Variants in KALRN observed in about 807,000 individuals in gnomAD.
The protein encoded by KALRN is kalirin RhoGEF kinase.
A neutral mutation model predicts 353.7 loss-of-function variants in KALRN; 70 were observed. The observed-to-expected ratio is 0.20, with a 90% CI of 0.16 to 0.24. KALRN has a LOEUF of 0.24. Ranked by LOEUF, KALRN falls within the 10% of genes least tolerant of loss-of-function variation. KALRN has a pLI of 1.00. For missense variants in KALRN, 2,791 were observed against 3,756.7 expected, an observed-to-expected ratio of 0.74 and a Z score of 6.72; for synonymous variants, 1,391 against 1,434.8, an observed-to-expected ratio of 0.97 and a Z score of 0.69.
chr3:124,530,797 TCTTAA>T (rs1445956838), intron 33 of KALRN, among the ~76,000 whole-genome samples: 1 of 152,070 alleles, frequency 6.6e-6, no homozygotes, highest in East Asian at 1.9e-4. Flanking sequence ...TCTCTCCCTT[TCTTAA>T]CTTTATTTTT....
Position 124,284,219 on chromosome 3 carries a change from A to G in KALRN, c.970-14572A>G, listed in dbSNP as rs142697116. Among the ~76,000 whole-genome samples the G allele has an allele frequency of 6.7e-4, 102 of 152,260 alleles. 1 individual carries two copies. In the East Asian group the frequency reaches 0.015, roughly 22 times the overall value. On this transcript the variant is annotated intron_variant, in intron 5 of 59. Transcript: ENST00000682506. Reference sequence around the variant, plus strand: ...TATATCTGGGAGGGTCTCAGTCTAGACACTCACTTCGTAGTTAAAAGCAAA... The same window carrying G: ...TATATCTGGGAGGGTCTCAGTCTAGGCACTCACTTCGTAGTTAAAAGCAAA...
At chr3:124,666,855 T>G (rs2085701216) in intron 46 of KALRN, among the ~76,000 whole-genome samples, 157 bp from the exon 47 acceptor site, 1 of 152,216 alleles carries the variant, frequency 6.6e-6, no homozygotes, top group African/African-American at 2.4e-5. Context: ...TGGGATCGTG[T>G]CACTCACCCA....
At chr3:124,111,332 C>T (rs571402879) in intron 1 of KALRN, among the ~76,000 whole-genome samples, 2 of 152,304 alleles carry the variant, frequency 1.3e-5, no homozygotes, top group South Asian at 4.1e-4. Context: ...CCCAGATGTC[C>T]TCCAGGAGAT....
chr3:124,149,640 C>G (rs947874118), intron 1 of KALRN, among the ~76,000 whole-genome samples: 1 of 152,172 alleles, frequency 6.6e-6, no homozygotes, highest in East Asian at 1.9e-4. Context: ...TAAAGAGTCT[C>G]TTAGTTGTCT....
chr3:124,048,262 G>C (rs575589634), intron 1 of KALRN, among the ~76,000 whole-genome samples: 14 of 152,216 alleles, frequency 9.2e-5, no homozygotes, highest in Non-Finnish European at 1.2e-4. Context: ...AAAAGTATAA[G>C]ATATATGGTC....
At chr3:124,506,314 C>G (rs990814587) in intron 33 of KALRN, among the ~76,000 whole-genome samples, 13 of 152,306 alleles carry the variant, frequency 8.5e-5, no homozygotes, top group African/African-American at 3.1e-4. Flanking sequence ...TCAGCCTTCT[C>G]ATCCTTCTCC....
intron 1 of KALRN, among the ~76,000 whole-genome samples, chr3:124,061,087 G>A (rs2041960774): frequency 1.3e-5 from 2 of 152,296 alleles, no homozygotes; most frequent in South Asian, 4.1e-4. Context: ...CAAACACAGG[G>A]CCTTCTGAAG....
At chr3:124,272,334 G>A (rs919479030) in intron 5 of KALRN, among the ~76,000 whole-genome samples, 1 of 152,180 alleles carries the variant, frequency 6.6e-6, no homozygotes, top group Non-Finnish European at 1.5e-5. Flanking sequence ...ATATGAAAAT[G>A]TGTGTGTTTC....
intron 16 of KALRN, among the ~76,000 whole-genome samples, chr3:124,431,405 C>T (rs1021265231): frequency 6.6e-6 from 1 of 152,180 alleles, no homozygotes; most frequent in Non-Finnish European, 1.5e-5. Flanking sequence ...AAAAATAAAA[C>T]TTCATTTATG....
At chr3:124,227,040 A>G (rs932410976) in intron 1 of KALRN, among the ~76,000 whole-genome samples, 36 of 152,182 alleles carry the variant, frequency 2.4e-4, no homozygotes, top group Non-Finnish European at 4.6e-4. Flanking sequence ...AGGTTAAATG[A>G]TAGGGATGCA....
At chr3:124,194,355 G>A (rs546509375) in intron 1 of KALRN, among the ~76,000 whole-genome samples, 9 of 152,184 alleles carry the variant, frequency 5.9e-5, no homozygotes, top group Non-Finnish European at 1.0e-4. Context: ...AGGGTTAGGA[G>A]GCTTTGGTGT....
At chr3:124,585,526 C>T (rs886546653) in intron 34 of KALRN, among the ~76,000 whole-genome samples, 1 of 152,092 alleles carries the variant, frequency 6.6e-6, no homozygotes. Flanking sequence ...AATTATTCTG[C>T]TAATCTTAAC....
At position 124,723,830 on chromosome 3, in the gene KALRN, G is replaced by A. The variant is rs2063387243; in HGVS notation, c.*4360G>A. On this transcript the variant is annotated 3_prime_UTR_variant, in exon 60 of 60. Transcript: ENST00000682506. ...TGCTACCTTCCTTCTCAAGCTTTATGCTCTGGAAAAAAGGACAGAGAAGAA... is the reference window on the plus strand; with the variant it reads ...TGCTACCTTCCTTCTCAAGCTTTATACTCTGGAAAAAAGGACAGAGAAGAA... 6.6e-6 allele frequency: 1 copy of A among 152,158 alleles called. No individual in the cohort carries two copies. Among genetic ancestry groups the A allele is most frequent in the South Asian group, 2.1e-4 (1 of 4,834 alleles). The allele number at this position is 152,158 out of a possible 1,614,324, so 9.4% of individuals were successfully genotyped here. A position where few individuals can be genotyped will look rare whatever the true frequency, so the allele number is the denominator to read the frequency against.
chr3:124,482,419 T>G (rs764110520), intron 27 of KALRN, among the ~76,000 whole-genome samples: 1 of 152,182 alleles, frequency 6.6e-6, no homozygotes, highest in Non-Finnish European at 1.5e-5. Context: ...ATTCTCTGCC[T>G]TCCCTGTACT....
intron 10 of KALRN, among the ~76,000 whole-genome samples, chr3:124,383,747 G>A (rs530796372): frequency 2.1e-4 from 32 of 152,072 alleles, no homozygotes; most frequent in Non-Finnish European, 3.2e-4. Flanking sequence ...AATTTGAGTG[G>A]GGGGCACAGT....
chr3:124,146,761 T>C (rs142334417), intron 1 of KALRN, among the ~76,000 whole-genome samples: 3,084 of 149,686 alleles, frequency 0.021, 94 homozygotes, highest in African/African-American at 0.072. Flanking sequence ...CCTGTAATCC[T>C]AGCTACTCAG....
At position 124,679,518 on chromosome 3, in the gene KALRN, G is replaced by A; in HGVS notation, c.7377+1G>A. 6.2e-7 allele frequency: 1 copy of A among 1,612,450 alleles called. No individual in the cohort carries two copies. Among genetic ancestry groups the A allele is most frequent in the Non-Finnish European group, 8.5e-7 (1 of 1,178,372 alleles). On this transcript the variant is annotated splice_donor_variant, in intron 51 of 59. Coordinates refer to ENST00000682506, the MANE Select transcript of KALRN (RefSeq NM_001388419.1). LOFTEE classifies it high-confidence loss of function. Reference sequence around the variant, plus strand: ...TCTTGACCCTAATACTAGCATGGAGGTAGAAGCAGCTATTGTTGTCCTATT... The same window carrying A: ...TCTTGACCCTAATACTAGCATGGAGATAGAAGCAGCTATTGTTGTCCTATT...
chr3:124,174,821 T>C (rs1188148177), intron 1 of KALRN, among the ~76,000 whole-genome samples: 1 of 152,250 alleles, frequency 6.6e-6, no homozygotes, highest in Non-Finnish European at 1.5e-5. Flanking sequence ...GCTCTTTCTC[T>C]CTTGATTTCA....
intron 10 of KALRN, among the ~76,000 whole-genome samples, chr3:124,351,153 T>C (rs1167764076): frequency 6.6e-6 from 1 of 152,188 alleles, no homozygotes; most frequent in Non-Finnish European, 1.5e-5. Flanking sequence ...CTTTCTCTCT[T>C]GTTTCTGCTC....
Sources: gnomAD v4.1 joint callset for allele counts (sites outside exome capture counted in the v4.1 genomes callset) on GRCh38, gnomAD v4.1.1 for gene constraint, MANE v1.5 for transcripts, NCBI Gene and HGNC (gene_info 2026-07-23, HGNC 2026-07-21) for gene names.